CYP2C8: variants seen among roughly 807,000 people sequenced by gnomAD.
CYP2C8 encodes cytochrome P450 family 2 subfamily C member 8.
A neutral mutation model predicts 41.3 loss-of-function variants in CYP2C8; 51 were observed. That is an observed-to-expected ratio of 1.24 (90% confidence interval 0.99 to 1.56). CYP2C8 has a LOEUF of 1.56. Ranked by LOEUF, CYP2C8 falls within the 40% of genes most tolerant of loss-of-function variation. The pLI is 0.00. For synonymous variants in CYP2C8, 218 were observed against 205.8 expected (o/e 1.06, Z -0.51); for missense variants, 651 against 579.9 (o/e 1.12, Z -1.26).
chr10:95,061,482 G>A (rs1207039965), intron 4 of CYP2C8, among the ~76,000 whole-genome samples: 1 of 152,156 alleles, frequency 6.6e-6, no homozygotes, highest in Non-Finnish European at 1.5e-5. Flanking sequence ...GGGATCGGTT[G>A]TGATATCCCC....
chr10:95,058,542 A>C (rs762233824), intron 4 of CYP2C8, 31 bp from the exon 5 acceptor site: 15 of 1,548,010 alleles, frequency 9.7e-6, no homozygotes, highest in Non-Finnish European at 1.1e-5. Context: ...AAATATAAAC[A>C]TGTCATAAGA....
In CYP2C8 at chr10:95,038,938, C is replaced by T. The variant is rs141209951; in HGVS notation, c.1250G>A (p.Gly417Asp). 10 of 1,613,896 alleles carry T rather than the reference C, an allele frequency of 6.2e-6. No homozygotes were observed. The South Asian group carries it at 8.8e-5, about 14-fold the overall frequency. The change falls in exon 8 of 9, where the codon GGC becomes GAC. Residue 417 changes from glycine to aspartate, a missense_variant. Transcript: ENST00000371270. ...GAAGTAGTCACTTTTCTTAAAGTTGCCATTCTTATCTAGAAAGTGGCCAGG... is the reference window on the plus strand; with the variant it reads ...GAAGTAGTCACTTTTCTTAAAGTTGTCATTCTTATCTAGAAAGTGGCCAGG... ...FDPGHFLDKN[G>D]NFKKSDYFMP...
intron 4 of CYP2C8, among the ~76,000 whole-genome samples, chr10:95,059,420 T>A (rs11188161): frequency 7.2e-6 from 1 of 138,646 alleles, no homozygotes; most frequent in Admixed American, 7.2e-5. Context: ...TTTCATGTGT[T>A]TTTTGGCTGC....
chr10:95,060,668 C>T (rs1057083176), intron 4 of CYP2C8, among the ~76,000 whole-genome samples: 1 of 152,058 alleles, frequency 6.6e-6, no homozygotes, highest in African/African-American at 2.4e-5. Context: ...TGGCCAGAAC[C>T]TCCAACACTA....
intron 5 of CYP2C8, among the ~76,000 whole-genome samples, chr10:95,051,799 T>A (rs11188155): frequency 6.6e-6 from 1 of 151,914 alleles, no homozygotes. Context: ...TATCAAAACC[T>A]ATGGGATTCA....
rs556654054 is a variant in CYP2C8, at chr10:95,036,776, C to A, written c.*352G>T. 6.3e-6 allele frequency: 2 copies of A among 315,332 alleles called. No individual in the cohort carries two copies. Among genetic ancestry groups the A allele is most frequent in the African/African-American group, 2.2e-5 (1 of 46,108 alleles). 19.5% of individuals were successfully genotyped at this position (315,332 alleles called of 1,614,324 possible). On this transcript the variant is annotated 3_prime_UTR_variant, in exon 9 of 9. Transcript: ENST00000371270. ...AAAGAGGGAAAGTCTGAGAACTGAA[C>A]CAGCAATTAATAACACTTTTTATTT...
At chr10:95,068,484 A>G (rs1021549583) in intron 1 of CYP2C8, 1 of 688,718 alleles carries the variant, frequency 1.5e-6, no homozygotes, top group Non-Finnish European at 2.2e-6. Context: ...ATTTCACATC[A>G]GCCATCAAAT....
At chr10:95,044,227 T>C (rs1314209781) in intron 6 of CYP2C8, among the ~76,000 whole-genome samples, 1 of 152,200 alleles carries the variant, frequency 6.6e-6, no homozygotes, top group East Asian at 1.9e-4. Flanking sequence ...AGAAACTTAG[T>C]ATAGAGGGTA....
chr10:95,039,839 C>CTCA (rs1212745945), intron 7 of CYP2C8, among the ~76,000 whole-genome samples: 1 of 152,172 alleles, frequency 6.6e-6, no homozygotes, highest in Non-Finnish European at 1.5e-5. Context: ...ATGCTCCCAC[C>CTCA]TCATCAATGT....
intron 5 of CYP2C8, among the ~76,000 whole-genome samples, chr10:95,056,867 G>C (rs1249089339): frequency 1.3e-5 from 2 of 152,126 alleles, no homozygotes; most frequent in African/African-American, 4.8e-5. Context: ...TAGCCTGGGA[G>C]GGTTCCTGGC....
chr10:95,067,261 T>C lies in CYP2C8; in HGVS notation c.428A>G (p.Asp143Gly). Residue 143 changes from aspartate (D) to glycine (G), a missense_variant, in exon 3 of 9, where the codon GAC becomes GGC. Physicochemically the swap from Asp to Gly is moderately conservative, Grantham distance 94. Coordinates refer to ENST00000371270, the MANE Select transcript of CYP2C8 (RefSeq NM_000770.3). Reference protein sequence around the residue: ...NFGMGKRSIEDRVQEEAHCLV... With the variant: ...NFGMGKRSIEGRVQEEAHCLV... Reference sequence around the variant, plus strand: ...GCAGTGAGCTTCCTCTTGAACACGGTCCTCAATGCTCCTCTTCCCCATCCC... The same window carrying C: ...GCAGTGAGCTTCCTCTTGAACACGGCCCTCAATGCTCCTCTTCCCCATCCC... 2 of 1,614,120 alleles carry C rather than the reference T, an allele frequency of 1.2e-6. No homozygotes were observed. The highest frequency in any genetic ancestry group is 1.7e-6 in the Non-Finnish European group (2 of 1,180,020).
chr10:95,058,540 A>G (rs1465244968), intron 4 of CYP2C8, 29 bp from the exon 5 acceptor site: 1 of 1,560,202 alleles, frequency 6.4e-7, no homozygotes, highest in East Asian at 2.4e-5. Flanking sequence ...TTAAATATAA[A>G]CATGTCATAA....
At chr10:95,046,074 A>T in intron 5 of CYP2C8, 123 bp from the exon 6 acceptor site, 1 of 1,083,492 alleles carries the variant, frequency 9.2e-7, no homozygotes, top group Non-Finnish European at 1.3e-6. Flanking sequence ...GTACAGTATT[A>T]GAAAAAGCAA....
chr10:95,053,859 C>G (rs543448229), intron 5 of CYP2C8, among the ~76,000 whole-genome samples: 2 of 152,182 alleles, frequency 1.3e-5, no homozygotes, highest in Admixed American at 1.3e-4. Flanking sequence ...GTGCAGCAAA[C>G]CACCATGGCA....
intron 7 of CYP2C8, chr10:95,040,961 C>G (rs1269496402): frequency 4.4e-6 from 2 of 456,158 alleles, no homozygotes; most frequent in Non-Finnish European, 8.8e-6. Flanking sequence ...TATCAAAGCT[C>G]TGAAAAGAAA....
In CYP2C8 at chr10:95,043,976, C is replaced by T. The variant is rs11572163; in HGVS notation, c.962-899G>A. Among the ~76,000 whole-genome samples, 949 of 152,208 alleles carry T rather than the reference C, an allele frequency of 6.2e-3. 3 individuals are homozygous for T. The highest frequency in any genetic ancestry group is 0.01 in the Non-Finnish European group (713 of 68,006). On this transcript the variant is annotated intron_variant, in intron 6 of 8. Coordinates refer to ENST00000371270, the MANE Select transcript of CYP2C8 (RefSeq NM_000770.3). ...TTAGAGTATTTGCACATGTTTGAAA[C>T]TCCTAGTAATAATTTCCCAATTATA...
chr10:95,044,067 C>A (rs1485923861), intron 6 of CYP2C8, among the ~76,000 whole-genome samples: 3 of 152,156 alleles, frequency 2.0e-5, no homozygotes, highest in Admixed American at 2.0e-4. Context: ...GTATTATTCA[C>A]CTGGTCCCTT....
At chr10:95,051,571 T>G (rs1389773785) in intron 5 of CYP2C8, among the ~76,000 whole-genome samples, 1 of 152,068 alleles carries the variant, frequency 6.6e-6, no homozygotes. Context: ...ATAATAAAAC[T>G]CCCAAAGATG....
At chr10:95,061,805 C>T (rs2033442573) in intron 4 of CYP2C8, among the ~76,000 whole-genome samples, 1 of 152,200 alleles carries the variant, frequency 6.6e-6, no homozygotes, top group Admixed American at 6.5e-5. Context: ...CTACACACTG[C>T]ATTAAATGTG....
Sources: allele counts gnomAD v4.1 joint callset (sites outside exome capture counted in the v4.1 genomes callset), GRCh38; gene constraint gnomAD v4.1.1; transcripts MANE v1.5; gene names NCBI Gene and HGNC (gene_info 2026-07-23, HGNC 2026-07-21).